The following STK32C variants were observed in gnomAD, a reference collection of about 807,000 sequenced individuals.
STK32C encodes the protein serine/threonine-protein kinase 32C.
Under a neutral mutation model 56.5 loss-of-function variants are expected in STK32C, and 31 were observed. The observed-to-expected ratio is 0.55, with a 90% CI of 0.41 to 0.74. The LOEUF is 0.74. Among genes scored for constraint, STK32C ranks in the 30% least tolerant of loss-of-function variants. STK32C has a pLI of 0.00. For missense variants in STK32C, 544 were observed against 676.9 expected (o/e 0.80, Z 2.18); for synonymous variants, 309 against 289.4 (o/e 1.07, Z -0.69).
chr10:132,282,198 G>A (rs948892061), intron 1 of STK32C, among the ~76,000 whole-genome samples: 12 of 152,088 alleles, frequency 7.9e-5, no homozygotes, highest in South Asian at 2.1e-4. Flanking sequence ...ACCAAGGTGC[G>A]CCAACCAGCC....
intron 1 of STK32C, among the ~76,000 whole-genome samples, chr10:132,287,484 T>C (rs1397284031): frequency 6.8e-6 from 1 of 147,024 alleles, no homozygotes; most frequent in African/African-American, 2.5e-5. Flanking sequence ...AGAGCGAGAC[T>C]CAGTCAAAAC....
intron 11 of STK32C, among the ~76,000 whole-genome samples, chr10:132,208,481 C>T (rs986296434): frequency 1.3e-5 from 2 of 152,208 alleles, no homozygotes; most frequent in African/African-American, 2.4e-5. Context: ...CCCAGGGTGC[C>T]AGTCAGTGCC....
intron 1 of STK32C, among the ~76,000 whole-genome samples, chr10:132,295,085 A>G (rs985410243): frequency 3.3e-5 from 5 of 152,106 alleles, no homozygotes; most frequent in Non-Finnish European, 7.4e-5. Context: ...TCACACGCCC[A>G]CCGGCAGTGC....
intron 1 of STK32C, chr10:132,324,406 G>A: frequency 1.3e-6 from 1 of 762,514 alleles, no homozygotes; most frequent in African/African-American, 1.7e-5. Context: ...TCTTCACTTT[G>A]CAGTCTGAAC....
At chr10:132,217,007 AC>A (rs1262968283) in intron 10 of STK32C, among the ~76,000 whole-genome samples, 1 of 137,810 alleles carries the variant, frequency 7.3e-6, no homozygotes, top group African/African-American at 2.7e-5. Flanking sequence ...ACTGGGGCAC[AC>A]TGCCTAGTGG....
chr10:132,218,341 A>G (rs1483519869), intron 10 of STK32C, among the ~76,000 whole-genome samples: 1 of 152,240 alleles, frequency 6.6e-6, no homozygotes, highest in African/African-American at 2.4e-5. Flanking sequence ...AAGTAAAATA[A>G]ATATGCCAAT....
intron 1 of STK32C, among the ~76,000 whole-genome samples, chr10:132,247,852 A>C (rs754878754): frequency 4.0e-4 from 61 of 151,928 alleles, no homozygotes; most frequent in Non-Finnish European, 7.2e-4. Context: ...CTGGCACAGG[A>C]GGTTGGGACC....
chr10:132,287,723 G>A (rs548624011), intron 1 of STK32C, among the ~76,000 whole-genome samples: 26 of 152,098 alleles, frequency 1.7e-4, no homozygotes, highest in African/African-American at 5.5e-4. Context: ...AAAGTACTGG[G>A]ATTACAGGCA....
intron 10 of STK32C, among the ~76,000 whole-genome samples, chr10:132,217,871 T>C (rs1157581882): frequency 2.0e-5 from 3 of 152,178 alleles, no homozygotes; most frequent in Non-Finnish European, 4.4e-5. Flanking sequence ...TTTTCCTGTA[T>C]AAATTACCCA....
At chr10:132,294,722 G>A (rs557462866) in intron 1 of STK32C, among the ~76,000 whole-genome samples, 1 of 152,222 alleles carries the variant, frequency 6.6e-6, no homozygotes, top group South Asian at 2.1e-4. Flanking sequence ...CCAGGCATGG[G>A]TCAGTGCACC....
chr10:132,303,125 G>T (rs2065957699), intron 1 of STK32C, among the ~76,000 whole-genome samples: 1 of 152,236 alleles, frequency 6.6e-6, no homozygotes, highest in African/African-American at 2.4e-5. Context: ...AGCAGCAAGG[G>T]CGCAGCCTGC....
intron 1 of STK32C, among the ~76,000 whole-genome samples, chr10:132,263,916 G>A (rs1035279378): frequency 2.6e-5 from 4 of 151,148 alleles, no homozygotes; most frequent in Admixed American, 6.6e-5. Flanking sequence ...AAAGCATGGC[G>A]CAGTGACACA....
At chr10:132,276,364 A>ACAGGGT (rs1339546936) in intron 1 of STK32C, among the ~76,000 whole-genome samples, 1 of 152,224 alleles carries the variant, frequency 6.6e-6, no homozygotes, top group East Asian at 1.9e-4. Flanking sequence ...GGGCACTGGA[A>ACAGGGT]CAGGGTCAGG....
In STK32C at chr10:132,274,813, G is replaced by A. The variant is rs182818856; in HGVS notation, c.263-28858C>T. ...CCCCCAAGTCACCTGTCGCTCCGCCGCACAGGCAGCCAGCAGGCGCCTCCT... is the reference window on the plus strand; with the variant it reads ...CCCCCAAGTCACCTGTCGCTCCGCCACACAGGCAGCCAGCAGGCGCCTCCT... On this transcript the variant is annotated intron_variant, in intron 1 of 11. Transcript: ENST00000298630. 4.6e-3 allele frequency among the ~76,000 whole-genome samples: 698 copies of A among 152,334 alleles called. 23 individuals carry two copies. In the South Asian group the frequency reaches 0.09, roughly 20 times the overall value.
In STK32C at chr10:132,207,849, G is replaced by A; in HGVS notation, c.*161C>T. Reference sequence around the variant, plus strand: ...CTGCACCCACAGCCTCTTGTCCCCTGCACCACCACGAGCCTGAGGTGTGAA... The same window carrying A: ...CTGCACCCACAGCCTCTTGTCCCCTACACCACCACGAGCCTGAGGTGTGAA... On this transcript the variant is annotated 3_prime_UTR_variant, in exon 12 of 12. Coordinates refer to ENST00000298630, the MANE Select transcript of STK32C (RefSeq NM_173575.4). 1 of 876,620 alleles carries A rather than the reference G, an allele frequency of 1.1e-6. No homozygotes were observed. The highest frequency in any genetic ancestry group is 6.1e-5 in the South Asian group (1 of 16,270). The allele number at this position is 876,620 out of a possible 1,614,324, so 54.3% of individuals were successfully genotyped here.
In STK32C at chr10:132,283,152, G is replaced by A. The variant is rs549187336; in HGVS notation, c.262+24420C>T. On this transcript the variant is annotated intron_variant, in intron 1 of 11. Coordinates refer to ENST00000298630, the MANE Select transcript of STK32C (RefSeq NM_173575.4). ...ACGATGGCCAAGACCCAGCCGGGAGGCCGGCCGAGGCCCCAGGCCCCAGGG... is the reference window on the plus strand; with the variant it reads ...ACGATGGCCAAGACCCAGCCGGGAGACCGGCCGAGGCCCCAGGCCCCAGGG... Among the ~76,000 whole-genome samples, 15 of 152,370 alleles carry A rather than the reference G, an allele frequency of 9.8e-5. No individual in the cohort carries two copies. The South Asian group carries it at 2.9e-3, about 29-fold the overall frequency.
In STK32C at chr10:132,225,471, T is replaced by C. The variant is rs753880048; in HGVS notation, c.772+56A>G. On this transcript the variant is annotated intron_variant, in intron 6 of 11. Coordinates refer to ENST00000298630, the MANE Select transcript of STK32C (RefSeq NM_173575.4). The stretch of plus-strand genomic sequence containing the variant: ...TGGGACAGAGAAGCCACCGAGGTCT[T>C]GTCCTTCCCACCTGGAGGAAGCCAG... The C allele has an allele frequency of 5.6e-6, 9 of 1,607,942 alleles. No homozygotes were observed. The African/African-American group carries it at 1.1e-4, about 19-fold the overall frequency.
chr10:132,331,753 C>A, exon 1 of STK32C: 1 of 1,611,270 alleles, frequency 6.2e-7, no homozygotes, highest in Non-Finnish European at 8.5e-7. Context: ...CTCTTCCTTC[C>A]CCTCTGTGCC....
intron 1 of STK32C, among the ~76,000 whole-genome samples, chr10:132,289,732 G>A (rs1235233744): frequency 2.0e-5 from 3 of 152,136 alleles, no homozygotes; most frequent in Non-Finnish European, 1.5e-5. Flanking sequence ...AGCCCTCTGG[G>A]GTCCCTTGTT....
Sources: allele counts gnomAD v4.1 joint callset (sites outside exome capture counted in the v4.1 genomes callset), GRCh38; gene constraint gnomAD v4.1.1; transcripts MANE v1.5; gene names NCBI Gene and HGNC (gene_info 2026-07-23, HGNC 2026-07-21).